SUN1: variants seen among roughly 807,000 people sequenced by gnomAD.
The protein encoded by SUN1 is SUN domain-containing protein 1.
SUN1 carries 61 observed loss-of-function variants against 103.2 expected under a neutral mutation model. The ratio of observed to expected loss-of-function variants is 0.59; its 90% confidence interval spans 0.48 to 0.73. The LOEUF (loss-of-function observed/expected upper bound fraction) is 0.73. SUN1 is among the 30% of genes least tolerant of loss of function. The pLI is 0.00. For synonymous variants in SUN1, 490 were observed against 425.7 expected (o/e 1.15, Z -1.86); for missense variants, 1,052 against 1,034.6 (o/e 1.02, Z -0.23).
chr7:846,083 C>T (rs547153068), intron 5 of SUN1, among the ~76,000 whole-genome samples: 17 of 152,136 alleles, frequency 1.1e-4, no homozygotes, highest in African/African-American at 3.9e-4. Flanking sequence ...TAACTTTATT[C>T]TTTTTGATGC....
Position 832,529 on chromosome 7 carries a change from A to C in SUN1, c.5A>C (p.Asp2Ala), listed in dbSNP as rs199693265. 15 of 1,612,884 alleles carry C rather than the reference A, an allele frequency of 9.3e-6. No homozygotes were observed. The highest frequency in any genetic ancestry group is 1.3e-5 in the African/African-American group (1 of 74,834). ...GTATGGTTTGAAGTGGTGAACATGGATTTTTCTCGGCTTCACATGTACAGT... is the reference window on the plus strand; with the variant it reads ...GTATGGTTTGAAGTGGTGAACATGGCTTTTTCTCGGCTTCACATGTACAGT... MDFSRLHMYSPP... is the reference protein window; with the variant it reads MAFSRLHMYSPP... The change falls in exon 1 of 19, where the codon GAT becomes GCT. Residue 2 changes from aspartate (D) to alanine (A), a missense_variant. By Grantham distance (126) the Asp-to-Ala change is moderately radical (BLOSUM62 -2). This residue lies in a region of SUN1 where 846 missense variants were observed against 774.5 expected (regional missense o/e 1.09). Coordinates refer to ENST00000401592, the MANE Select transcript of SUN1 (RefSeq NM_001130965.3).
intron 18 of SUN1, 99 bp from the exon 19 acceptor site, chr7:873,116 C>G: frequency 8.9e-7 from 1 of 1,119,552 alleles, no homozygotes; most frequent in Non-Finnish European, 1.3e-6. Context: ...TAATTTCCAA[C>G]TCAGCTGCTT....
upstream of SUN1, among the ~76,000 whole-genome samples, chr7:829,391 C>T (rs1234582294): frequency 1.3e-5 from 2 of 152,146 alleles, no homozygotes; most frequent in Non-Finnish European, 2.9e-5. Context: ...ATGCTTTTGC[C>T]TGCAGGTGTG....
chr7:872,371 C>T (rs917425615), intron 17 of SUN1, 99 bp from the exon 18 acceptor site: 26 of 923,860 alleles, frequency 2.8e-5, no homozygotes, highest in Non-Finnish European at 3.7e-5. Context: ...TGGAGGGAAA[C>T]GGTCCTGTTT....
chr7:857,161 T>C (rs188349757), intron 12 of SUN1, among the ~76,000 whole-genome samples: 98 of 152,278 alleles, frequency 6.4e-4, no homozygotes, highest in African/African-American at 2.2e-3. Flanking sequence ...CCTCCCCGCC[T>C]GTAGATTCGG....
chr7:837,957 T>C (rs1237258679), intron 1 of SUN1, among the ~76,000 whole-genome samples: 1 of 152,272 alleles, frequency 6.6e-6, no homozygotes, highest in East Asian at 1.9e-4. Flanking sequence ...CATAGCTTAG[T>C]GCAGTCTCTC....
In SUN1 at chr7:853,477, A is replaced by G. The variant is rs768443502; in HGVS notation, c.1122A>G (p.Gly374=). Residue 374 remains glycine, a synonymous_variant, in exon 10 of 19, where the codon GGA becomes GGG. Coordinates refer to ENST00000401592, the MANE Select transcript of SUN1 (RefSeq NM_001130965.3). ...AGCAGCAGGTGGCCTCTCTGTCTGG[A>G]CAGTGCCACCACCATGGTGAGAATC... ...GVEQQVASLS[G]QCHHHGENLR... 13 of 1,614,042 alleles carry G rather than the reference A, an allele frequency of 8.1e-6. No individual in the cohort carries two copies. The highest frequency in any genetic ancestry group is 3.3e-4 in the Middle Eastern group (2 of 6,062).
At position 873,586 on chromosome 7, in the gene SUN1, G is replaced by T. The variant is rs1423271733; in HGVS notation, c.*255G>T. 3 of 411,950 alleles carry T rather than the reference G, an allele frequency of 7.3e-6. No individual in the cohort carries two copies. Among genetic ancestry groups the T allele is most frequent in the Non-Finnish European group, 1.3e-5 (3 of 229,172 alleles). 25.5% of individuals were successfully genotyped at this position (411,950 alleles called of 1,614,324 possible). On this transcript the variant is annotated 3_prime_UTR_variant, in exon 19 of 19. Coordinates refer to ENST00000401592, the MANE Select transcript of SUN1 (RefSeq NM_001130965.3). ...AACACGTGGCTCTCAGACACTCCTT[G>T]TTTTTAACGGGAAGCTCTTTGCATT...
At chr7:825,991 C>G in intron 1 of SUN1, among the ~76,000 whole-genome samples, 1 of 151,850 alleles carries the variant, frequency 6.6e-6, no homozygotes, top group Non-Finnish European at 1.5e-5. Flanking sequence ...ACGTGTAATC[C>G]CAGAACTTTG....
At chr7:846,974 C>T (rs940011943) in intron 5 of SUN1, among the ~76,000 whole-genome samples, 2 of 152,146 alleles carry the variant, frequency 1.3e-5, no homozygotes, top group Non-Finnish European at 2.9e-5. Flanking sequence ...GATCATGCCC[C>T]TGCTAGGCCA....
At position 858,390 on chromosome 7, in the gene SUN1, C is replaced by CT. The variant is rs10714763; in HGVS notation, c.1524+446dup. On this transcript the variant is annotated intron_variant, in intron 13 of 18. Coordinates refer to ENST00000401592, the MANE Select transcript of SUN1 (RefSeq NM_001130965.3). ...GTTTAATTTCAACTCCCTTTAAAAA[C>CT]TTTTTTTTTTTTTACTATATGTGAA... is the stretch of plus-strand genomic sequence containing the variant. Among the ~76,000 whole-genome samples, 678 of 150,328 alleles carry CT rather than the reference C, an allele frequency of 4.5e-3. 2 individuals are homozygous for CT. Among genetic ancestry groups the CT allele is most frequent in the African/African-American group, 6.0e-3 (244 of 40,992 alleles).
rs185644119 is a variant in SUN1 at position 839,957 on chromosome 7, T to C, written c.266+971T>C. On this transcript the variant is annotated intron_variant, in intron 2 of 18. Transcript: ENST00000401592. The stretch of plus-strand genomic sequence containing the variant: ...TTGCGTTCGTCGAGTTCATTTGATC[T>C]CTGAACTCTCCACGTGCCCACTTCT... 7.2e-5 allele frequency among the ~76,000 whole-genome samples: 11 copies of C among 152,370 alleles called. No homozygotes were observed. In the East Asian group the frequency reaches 2.1e-3, roughly 29 times the overall value.
intron 5 of SUN1, chr7:848,397 A>G (rs1319632655): frequency 5.2e-6 from 7 of 1,344,978 alleles, no homozygotes; most frequent in South Asian, 2.4e-5. Flanking sequence ...GAAATAACGC[A>G]TGTTCATGGT....
chr7:831,775 A>G (rs567293246), upstream of SUN1: 1 of 152,378 alleles, frequency 6.6e-6, no homozygotes, highest in African/African-American at 2.4e-5. Flanking sequence ...TTTTAGTTAT[A>G]TCTCCCTCAG....
chr7:863,603 C>T (rs907911675), intron 15 of SUN1, among the ~76,000 whole-genome samples: 1 of 152,166 alleles, frequency 6.6e-6, no homozygotes. Flanking sequence ...CTGCCTTACC[C>T]CAGAATCTTT....
upstream of SUN1, among the ~76,000 whole-genome samples, chr7:815,618 ATGTAAATTACACTTCGTTTTAAAAG>A (rs755434356): frequency 6.3e-4 from 96 of 152,268 alleles, no homozygotes; most frequent in Non-Finnish European, 1.2e-3. Context: ...ACATGATTGT[ATGTAAATTACACTTCGTTTTAAAAG>A]TGCAAAGAAC....
chr7:870,283 A>T (rs1021866938), intron 17 of SUN1, among the ~76,000 whole-genome samples: 4 of 152,192 alleles, frequency 2.6e-5, no homozygotes, highest in Admixed American at 1.3e-4. Context: ...ATTTCATAAA[A>T]GTATTTTTGC....
At chr7:849,602 G>A (rs1274935979) in intron 5 of SUN1, 3 of 1,471,614 alleles carry the variant, frequency 2.0e-6, no homozygotes, top group South Asian at 2.2e-5. Context: ...GGGAAGCGCT[G>A]TGTAAGTATG....
Position 827,425 on chromosome 7 carries a change from G to C in SUN1, c.-74+10752G>C, listed in dbSNP as rs545307643. Among the ~76,000 whole-genome samples the C allele has an allele frequency of 6.0e-5, 9 of 150,946 alleles. No homozygotes were observed. The South Asian group carries it at 1.9e-3, about 32-fold the overall frequency. ...ATTAGTACAGATATTCTGAATAGTA[G>C]ACTCAAGTGATATGGAGAGTAGGAC... On this transcript the variant is annotated intron_variant, in intron 1 of 17. Coordinates refer to the SUN1 transcript ENST00000389574.
Sources: allele counts gnomAD v4.1 joint callset (sites outside exome capture counted in the v4.1 genomes callset), GRCh38; gene constraint gnomAD v4.1.1; regional missense constraint gnomAD v4.1.1; transcripts MANE v1.5; gene names NCBI Gene and HGNC (gene_info 2026-07-23, HGNC 2026-07-21).